SLC25A48: variants seen among roughly 807,000 people sequenced by gnomAD.
SLC25A48 encodes the protein CTC-321K16.1.
A neutral mutation model predicts 32.2 loss-of-function variants in SLC25A48; 29 were observed. The ratio of observed to expected loss-of-function variants is 0.90; its 90% confidence interval spans 0.67 to 1.23. The LOEUF (loss-of-function observed/expected upper bound fraction) is 1.23, where lower values mean the gene tolerates loss of function less well. Among genes scored for constraint, SLC25A48 ranks in the 50% most tolerant of loss-of-function variants. The pLI is 0.00. For missense variants in SLC25A48, 399 were observed against 422.7 expected, an observed-to-expected ratio of 0.94 and a Z score of 0.49; for synonymous variants, 164 against 172.3, an observed-to-expected ratio of 0.95 and a Z score of 0.38.
intron 1 of SLC25A48, among the ~76,000 whole-genome samples, chr5:135,616,458 T>C (rs908114988): frequency 1.2e-4 from 18 of 152,226 alleles, no homozygotes; most frequent in African/African-American, 4.1e-4. Flanking sequence ...ATTTTGGAGC[T>C]TTAAGATTTA....
intron 4 of SLC25A48, among the ~76,000 whole-genome samples, chr5:135,815,060 G>C (rs982744492): frequency 5.9e-5 from 9 of 152,180 alleles, no homozygotes; most frequent in African/African-American, 2.2e-4. Flanking sequence ...CTTGGGCTCT[G>C]TGCTGGCTGG....
chr5:135,860,469 G>C (rs1017335638), intron 4 of SLC25A48, among the ~76,000 whole-genome samples: 2 of 152,216 alleles, frequency 1.3e-5, no homozygotes, highest in Non-Finnish European at 2.9e-5. Context: ...TCCTGTCCAA[G>C]GGAGTGGTCA....
At chr5:135,798,535 C>T (rs1043401109) in intron 3 of SLC25A48, among the ~76,000 whole-genome samples, 2 of 151,010 alleles carry the variant, frequency 1.3e-5, no homozygotes, top group South Asian at 2.1e-4. Context: ...CTCTCAATAT[C>T]GTGGAGGTTG....
intron 3 of SLC25A48, among the ~76,000 whole-genome samples, chr5:135,720,266 G>C (rs7702531): frequency 6.6e-6 from 1 of 151,992 alleles, no homozygotes; most frequent in Admixed American, 6.5e-5. Flanking sequence ...GGGACCCACA[G>C]GAGGGGTCTG....
chr5:135,814,148 C>T (rs1180747532), intron 4 of SLC25A48, among the ~76,000 whole-genome samples: 1 of 152,188 alleles, frequency 6.6e-6, no homozygotes, highest in Non-Finnish European at 1.5e-5. Context: ...TCTCACTGAG[C>T]TGAGGGTCCA....
At chr5:135,760,632 A>G (rs1462687037) in intron 3 of SLC25A48, among the ~76,000 whole-genome samples, 1 of 152,194 alleles carries the variant, frequency 6.6e-6, no homozygotes, top group African/African-American at 2.4e-5. Flanking sequence ...AAGTTGAGTG[A>G]GGATAGATGC....
chr5:135,831,235 A>G (rs1758198155), upstream of SLC25A48, among the ~76,000 whole-genome samples: 1 of 152,210 alleles, frequency 6.6e-6, no homozygotes, highest in Admixed American at 6.5e-5. Flanking sequence ...CCACCTCTTC[A>G]GCTCTGTCTT....
chr5:135,881,630 T>G (rs1191081629), intron 7 of SLC25A48, among the ~76,000 whole-genome samples: 2 of 152,250 alleles, frequency 1.3e-5, no homozygotes. Context: ...TTCTTAAAGC[T>G]GTGCTCAGAT....
chr5:135,731,405 T>C (rs1755218294), intron 3 of SLC25A48, among the ~76,000 whole-genome samples: 1 of 152,060 alleles, frequency 6.6e-6, no homozygotes, highest in Non-Finnish European at 1.5e-5. Context: ...CTTATATTAA[T>C]AAGAAAAATA....
At chr5:135,755,686 T>C (rs904667630) in intron 3 of SLC25A48, among the ~76,000 whole-genome samples, 28 of 152,018 alleles carry the variant, frequency 1.8e-4, no homozygotes, top group African/African-American at 6.0e-4. Context: ...AATTAAATAT[T>C]GCTGTGGTAT....
intron 4 of SLC25A48, among the ~76,000 whole-genome samples, chr5:135,870,717 C>T (rs148200738): frequency 0.014 from 2,177 of 152,166 alleles, 59 homozygotes; most frequent in African/African-American, 0.05. Context: ...CAGTTGATAA[C>T]GTTTTAAGCC....
At chr5:135,600,807 C>G (rs371397599) in intron 1 of SLC25A48, among the ~76,000 whole-genome samples, 5 of 151,760 alleles carry the variant, frequency 3.3e-5, no homozygotes, top group African/African-American at 1.2e-4. Context: ...CTCAGCCTCC[C>G]GAGCAGCTGG....
At chr5:135,746,756 C>T (rs1336145149) in intron 3 of SLC25A48, among the ~76,000 whole-genome samples, 1 of 152,064 alleles carries the variant, frequency 6.6e-6, no homozygotes, top group Admixed American at 6.6e-5. Flanking sequence ...GTTTATATTC[C>T]AATTTTAATT....
intron 1 of SLC25A48, among the ~76,000 whole-genome samples, chr5:135,591,186 A>G (rs1219482001): frequency 6.6e-6 from 1 of 152,258 alleles, no homozygotes; most frequent in African/African-American, 2.4e-5. Context: ...AATGCAAAGC[A>G]TCGGAGGTCA....
intron 3 of SLC25A48, chr5:135,649,983 C>T (rs1168145462): frequency 1.7e-5 from 3 of 172,290 alleles, no homozygotes; most frequent in African/African-American, 4.8e-5. Flanking sequence ...TGAATTAATG[C>T]AGCCTTTCCT....
At chr5:135,794,589 A>C (rs11948583) in intron 3 of SLC25A48, among the ~76,000 whole-genome samples, 13 of 149,746 alleles carry the variant, frequency 8.7e-5, no homozygotes, top group African/African-American at 2.2e-4. Flanking sequence ...TACACTCCCC[A>C]TGTGAAATTG....
intron 3 of SLC25A48, among the ~76,000 whole-genome samples, chr5:135,795,502 T>A (rs1330777531): frequency 6.6e-6 from 1 of 151,840 alleles, no homozygotes; most frequent in African/African-American, 2.4e-5. Flanking sequence ...TGTCATATTA[T>A]TCCCAATATT....
chr5:135,659,475 G>T (rs140787551), intron 3 of SLC25A48, among the ~76,000 whole-genome samples: 2 of 152,174 alleles, frequency 1.3e-5, no homozygotes, highest in Non-Finnish European at 2.9e-5. Context: ...AGGAAATTCC[G>T]AACCTTTCCT....
intron 2 of SLC25A48, among the ~76,000 whole-genome samples, chr5:135,632,487 A>G (rs946474863): frequency 1.3e-5 from 2 of 152,302 alleles, no homozygotes; most frequent in East Asian, 1.9e-4. Flanking sequence ...ATTATGAAGT[A>G]CAGAGGAAGG....
Sources: gnomAD v4.1 joint callset for allele counts (sites outside exome capture counted in the v4.1 genomes callset) on GRCh38, gnomAD v4.1.1 for gene constraint, MANE v1.5 for transcripts, NCBI Gene and HGNC (gene_info 2026-07-23, HGNC 2026-07-21) for gene names.